MBP: variants seen among roughly 807,000 people sequenced by gnomAD.
The protein encoded by MBP is myelin basic protein, also known as Golli-MBP.
Under a neutral mutation model 35.8 loss-of-function variants are expected in MBP, and 16 were observed. That is an observed-to-expected ratio of 0.45 (90% confidence interval 0.30 to 0.68). MBP has a LOEUF of 0.68. Among genes scored for constraint, MBP ranks in the 30% least tolerant of loss-of-function variants. The pLI is 0.08. For synonymous variants in MBP, 143 were observed against 159.6 expected (o/e 0.90, Z 0.78); for missense variants, 380 against 404.7 (o/e 0.94, Z 0.52).
Position 76,988,219 on chromosome 18 carries a change from C to T in MBP, c.750+276G>A, listed in dbSNP as rs1239299690. The T allele has an allele frequency of 5.8e-6, 9 of 1,548,898 alleles. 1 individual carries two copies. In the Middle Eastern group the frequency reaches 1.2e-3, roughly 201 times the overall value. ...CTCCCTCCCTGGGAGGGAGACCAGT[C>T]ACGTCGCCTGGGAACCCTCTGGGAG... On this transcript the variant is annotated intron_variant, in intron 7 of 8. Transcript: ENST00000355994. The surrounding 1 kb of genome is among the most constrained non-coding windows in gnomAD (Gnocchi z 5.2).
chr18:77,098,819 C>T (rs1432782454), intron 2 of MBP, among the ~76,000 whole-genome samples: 2 of 152,338 alleles, frequency 1.3e-5, no homozygotes, highest in East Asian at 3.9e-4. Context: ...TGAGTCTGGG[C>T]AGATTTAAAC....
chr18:77,088,635 T>G (rs1253741534), intron 2 of MBP, among the ~76,000 whole-genome samples: 1 of 145,104 alleles, frequency 6.9e-6, no homozygotes. Flanking sequence ...TTAAACAGTT[T>G]TTTTGTGCTT....
rs1450960784 is a variant in MBP at position 77,131,862 on chromosome 18, C to G, written c.-26+718G>C. ...CGGGCCGGCGGGCGGCTGCGGGCGG[C>G]GCACGTGGGCCCAGGTGGGCGCAGC... is the stretch of plus-strand genomic sequence containing the variant. On this transcript the variant is annotated intron_variant, in intron 1 of 8. Transcript: ENST00000355994. The surrounding 1 kb of genome is among the most constrained non-coding windows in gnomAD (Gnocchi z 5.5). Among the ~76,000 whole-genome samples, 1 of 152,018 alleles carries G rather than the reference C, an allele frequency of 6.6e-6. No homozygotes were observed. Among genetic ancestry groups the G allele is most frequent in the Non-Finnish European group, 1.5e-5 (1 of 67,964 alleles).
chr18:77,058,791 C>T (rs1973847268), intron 3 of MBP, among the ~76,000 whole-genome samples: 1 of 152,356 alleles, frequency 6.6e-6, no homozygotes, highest in South Asian at 2.1e-4. Context: ...CTCGGCCGGC[C>T]GACTGCAGCC....
intron 2 of MBP, among the ~76,000 whole-genome samples, chr18:77,095,119 C>T (rs1177920679): frequency 6.6e-6 from 1 of 152,138 alleles, no homozygotes; most frequent in African/African-American, 2.4e-5. Context: ...AGAGGTTTGT[C>T]ATGTGGGAGG....
intron 1 of MBP, among the ~76,000 whole-genome samples, chr18:77,105,772 G>A (rs1976255912): frequency 6.6e-6 from 1 of 152,222 alleles, no homozygotes; most frequent in South Asian, 2.1e-4. Context: ...TGTGAGCACA[G>A]AAAGAGCCAA....
At chr18:77,048,238 C>A (rs1973334684) in intron 3 of MBP, among the ~76,000 whole-genome samples, 1 of 152,170 alleles carries the variant, frequency 6.6e-6, no homozygotes, top group Non-Finnish European at 1.5e-5. Context: ...CGAAAGAGGA[C>A]CTTGGGCTTC....
intron 1 of MBP, among the ~76,000 whole-genome samples, chr18:77,117,743 G>A (rs1172194163): frequency 7.3e-6 from 1 of 137,816 alleles, no homozygotes; most frequent in Non-Finnish European, 1.5e-5. Flanking sequence ...GCAGTGGGTT[G>A]GAGTGGGATA....
intron 1 of MBP, among the ~76,000 whole-genome samples, chr18:77,106,459 C>T (rs1023940036): frequency 2.0e-5 from 3 of 152,120 alleles, no homozygotes; most frequent in Admixed American, 2.0e-4. Flanking sequence ...ACAGCACAGT[C>T]GCCACTCCCG....
At chr18:77,118,731 A>G (rs532952123) in intron 1 of MBP, among the ~76,000 whole-genome samples, 5 of 142,662 alleles carry the variant, frequency 3.5e-5, no homozygotes, top group African/African-American at 1.1e-4. Flanking sequence ...TACCACACAC[A>G]CCCTTCACAG....
Position 77,020,551 on chromosome 18 carries a change from C to A in MBP, c.140-3283G>T, listed in dbSNP as rs572818706. 1.3e-5 allele frequency among the ~76,000 whole-genome samples: 2 copies of A among 152,326 alleles called. No individual in the cohort carries two copies. The highest frequency in any genetic ancestry group is 3.9e-4 in the East Asian group (2 of 5,174). ...GTCCAGGAACCCCTCCTCAGAGTCA[C>A]ATGGGAGGCTGAATTTCCCAGCACA... is the stretch of plus-strand genomic sequence containing the variant. On this transcript the variant is annotated intron_variant, in intron 3 of 8. Coordinates refer to ENST00000355994, the MANE Select transcript of MBP (RefSeq NM_001025101.2). This position sits in a 1 kb window ranked among gnomAD's most constrained non-coding sequence, Gnocchi z 4.1.
At chr18:77,123,965 G>A (rs535690772) in intron 1 of MBP, among the ~76,000 whole-genome samples, 52 of 152,332 alleles carry the variant, frequency 3.4e-4, no homozygotes, top group Admixed American at 7.8e-4. Context: ...GCACCTGCAC[G>A]GAGTCTGCGG....
intron 2 of MBP, among the ~76,000 whole-genome samples, chr18:77,094,724 C>T (rs546421304): frequency 8.3e-4 from 127 of 152,284 alleles, no homozygotes; most frequent in African/African-American, 3.0e-3. Flanking sequence ...TAATACCTGT[C>T]TAGTAGGGCA....
chr18:77,028,555 C>T (rs1176135738), intron 3 of MBP, among the ~76,000 whole-genome samples: 1 of 96,026 alleles, frequency 1.0e-5, no homozygotes, highest in Non-Finnish European at 2.7e-5. Context: ...CCTCACTTCC[C>T]AGTAGGGGCG....
intron 1 of MBP, among the ~76,000 whole-genome samples, chr18:77,112,298 C>T (rs559418978): frequency 6.6e-6 from 1 of 152,160 alleles, no homozygotes; most frequent in African/African-American, 2.4e-5. Flanking sequence ...CTGTGGGATG[C>T]GCGCTGCACA....
chr18:77,131,085 G>GCACACA lies in MBP; in HGVS notation c.-26+1489_-26+1494dup, dbSNP rs1156767144. Among the ~76,000 whole-genome samples, 1 of 53,342 alleles carries GCACACA rather than the reference G, an allele frequency of 1.9e-5. No homozygotes were observed. Among genetic ancestry groups the GCACACA allele is most frequent in the African/African-American group, 5.3e-5 (1 of 18,770 alleles). The allele number at this position is 53,342 out of a possible 152,430, so 35.0% of individuals were successfully genotyped here. On this transcript the variant is annotated intron_variant, in intron 1 of 8. Transcript: ENST00000355994. This position sits in a 1 kb window ranked among gnomAD's most constrained non-coding sequence, Gnocchi z 5.5. ...AACACACACACGCGCGCACGCACGCGCACACACACACACACACACACACAC... is the reference window on the plus strand; with the variant it reads ...AACACACACACGCGCGCACGCACGCGCACACACACACACACACACACACACACACAC...
intron 4 of MBP, chr18:77,002,981 C>T (rs1970718887): frequency 6.6e-6 from 1 of 152,194 alleles, no homozygotes; most frequent in African/African-American, 2.4e-5. Flanking sequence ...AAGTCAATGA[C>T]ATATGCCAGT....
At chr18:77,116,808 A>G (rs904832539) in intron 1 of MBP, among the ~76,000 whole-genome samples, 6 of 152,126 alleles carry the variant, frequency 3.9e-5, no homozygotes, top group South Asian at 2.1e-4. Flanking sequence ...GCACTGAGGC[A>G]CTGAGTCGAG....
intron 2 of MBP, chr18:77,066,722 T>A: frequency 1.9e-6 from 1 of 537,580 alleles, no homozygotes; most frequent in Admixed American, 2.0e-5. Flanking sequence ...TGCTTTAGAT[T>A]CTAAGTGACA....
Sources: allele counts gnomAD v4.1 joint callset (sites outside exome capture counted in the v4.1 genomes callset), GRCh38; gene constraint gnomAD v4.1.1; non-coding constraint Gnocchi (gnomAD v3.1); transcripts MANE v1.5; gene names NCBI Gene and HGNC (gene_info 2026-07-23, HGNC 2026-07-21).